TRRAP: variants seen among roughly 807,000 people sequenced by gnomAD.
TRRAP encodes transformation/transcription domain associated protein, also known as transformation/transcription domain-associated protein.
In TRRAP, 41 loss-of-function variants were observed where a neutral mutation model predicts 438.8. The ratio of observed to expected loss-of-function variants is 0.09; its 90% CI spans 0.07 to 0.12. TRRAP has a LOEUF of 0.12. Ranked by LOEUF, TRRAP falls within the 10% of genes least tolerant of loss-of-function variation. TRRAP has a pLI of 1.00. For missense variants in TRRAP, 3,122 were observed against 5,055.1 expected (o/e 0.62, Z 11.60); for synonymous variants, 1,994 against 1,962.9 (o/e 1.02, Z -0.42).
chr7:98,964,735 A>G lies in TRRAP; in HGVS notation c.6936A>G (p.Leu2312=). The change falls in exon 48 of 73, where the codon TTA becomes TTG. Residue 2312 remains leucine (L), a synonymous_variant. Transcript: ENST00000456197. ...RSLQKMVREH[L]NPQAASGSTE... Reference sequence around the variant, plus strand: ...TGCAGAAGATGGTCCGGGAGCATTTAAACCCTCAGGCAGCGTCAGGAAGCA... The same window carrying G: ...TGCAGAAGATGGTCCGGGAGCATTTGAACCCTCAGGCAGCGTCAGGAAGCA... 1 of 1,613,580 alleles carries G rather than the reference A, an allele frequency of 6.2e-7. No homozygotes were observed. The highest frequency in any genetic ancestry group is 8.5e-7 in the Non-Finnish European group (1 of 1,179,840).
chr7:98,988,726 T>G (rs1434390119), intron 62 of TRRAP, 39 bp from the exon 63 acceptor site: 1 of 1,602,794 alleles, frequency 6.2e-7, no homozygotes, highest in African/African-American at 1.3e-5. Context: ...TCGCTTCAAT[T>G]GAAAACCATA....
chr7:98,989,155 A>G (rs1007393861), intron 63 of TRRAP, among the ~76,000 whole-genome samples, 189 bp downstream of exon 63: 2 of 152,244 alleles, frequency 1.3e-5, no homozygotes, highest in African/African-American at 4.8e-5. Flanking sequence ...TGAGGCCTGG[A>G]CACTCTTAGG....
chr7:98,891,043 T>G (rs1795945047), intron 4 of TRRAP, among the ~76,000 whole-genome samples: 1 of 150,856 alleles, frequency 6.6e-6, no homozygotes, highest in African/African-American at 2.4e-5. Context: ...AGATCCTCCT[T>G]CCTCAGCTTC....
rs140671767 is a variant in TRRAP at position 98,983,716 on chromosome 7, G to A, written c.9022+257G>A. On this transcript the variant is annotated intron_variant, in intron 60 of 72. Coordinates refer to ENST00000456197, the MANE Select transcript of TRRAP (RefSeq NM_001375524.1). Reference sequence around the variant, plus strand: ...TGGGGCAGAATCGTACAGGCCGGGGGGATCAATGCTCTGAGCCATGGCACT... The same window carrying A: ...TGGGGCAGAATCGTACAGGCCGGGGAGATCAATGCTCTGAGCCATGGCACT... 7.6e-3 allele frequency among the ~76,000 whole-genome samples: 1,163 copies of A among 152,192 alleles called. 8 individuals are homozygous for A. The highest frequency in any genetic ancestry group is 0.027 in the African/African-American group (1,129 of 41,504).
intron 65 of TRRAP, 88 bp downstream of exon 65, chr7:98,992,315 C>G: frequency 1.4e-6 from 2 of 1,387,246 alleles, no homozygotes; most frequent in South Asian, 1.2e-5. Flanking sequence ...CGCAGCCACC[C>G]CTGCCCTGCA....
chr7:98,955,046 T>C, intron 40 of TRRAP, 52 bp from the exon 41 acceptor site: 2 of 1,554,380 alleles, frequency 1.3e-6, no homozygotes, highest in Non-Finnish European at 1.8e-6. Context: ...TGTCTTCTTA[T>C]TTCTTAAAGC....
At chr7:98,925,369 G>A (rs1790000319) in intron 22 of TRRAP, 106 bp downstream of exon 22, 7 of 1,465,980 alleles carry the variant, frequency 4.8e-6, no homozygotes, top group Non-Finnish European at 9.2e-7. Context: ...GCTCCTTGAA[G>A]TCCAGCAGAT....
intron 45 of TRRAP, 110 bp from the exon 46 acceptor site, chr7:98,961,151 A>T: frequency 9.4e-6 from 9 of 954,542 alleles, no homozygotes; most frequent in Admixed American, 6.2e-5. Flanking sequence ...TTTTTTACTT[A>T]GTCTCCAAAT....
chr7:98,912,984 G>A (rs1317735407), intron 18 of TRRAP, among the ~76,000 whole-genome samples: 2 of 152,158 alleles, frequency 1.3e-5, no homozygotes, highest in Non-Finnish European at 1.5e-5. Flanking sequence ...ATTGAGCTCT[G>A]CAGTGAGGCA....
At chr7:98,898,188 G>T (rs1389767646) in intron 8 of TRRAP, among the ~76,000 whole-genome samples, 1 of 152,204 alleles carries the variant, frequency 6.6e-6, no homozygotes, top group East Asian at 1.9e-4. Context: ...TTAAACTATA[G>T]ATAAAAGCAT....
intron 31 of TRRAP, among the ~76,000 whole-genome samples, chr7:98,944,055 T>A (rs1450037643): frequency 3.3e-5 from 5 of 152,226 alleles, no homozygotes; most frequent in Admixed American, 1.3e-4. Context: ...ATGCCACGCA[T>A]GACCCTGTTA....
At chr7:98,999,552 C>G in intron 67 of TRRAP, 1 of 727,896 alleles carries the variant, frequency 1.4e-6, no homozygotes, top group Non-Finnish European at 2.5e-6. Context: ...GAAACTGCAT[C>G]CAGGCAGACA....
intron 6 of TRRAP, 33 bp from the exon 7 acceptor site, chr7:98,895,731 T>C (rs781843846): frequency 6.4e-7 from 1 of 1,556,842 alleles, no homozygotes; most frequent in Admixed American, 1.9e-5. Context: ...TTTATGAATA[T>C]CTTCCTATAA....
intron 44 of TRRAP, 124 bp from the exon 45 acceptor site, chr7:98,959,220 T>A: frequency 7.6e-7 from 1 of 1,323,282 alleles, no homozygotes; most frequent in Non-Finnish European, 1.0e-6. Context: ...GGAAGAGAGG[T>A]GGCTGTGAGG....
At chr7:98,930,258 G>A (rs373682849) in intron 24 of TRRAP, 52 bp downstream of exon 24, 4 of 1,590,000 alleles carry the variant, frequency 2.5e-6, no homozygotes, top group Non-Finnish European at 3.4e-6. Context: ...CTGTACCTGA[G>A]AGTGGTCCTT....
intron 22 of TRRAP, 142 bp downstream of exon 22, chr7:98,925,405 T>C (rs782680200): frequency 1.4e-5 from 17 of 1,213,026 alleles, no homozygotes; most frequent in Non-Finnish European, 1.9e-5. Flanking sequence ...TACTCCTTCT[T>C]GTTGGGGCCT....
At chr7:98,954,346 G>A (rs926687234) in intron 40 of TRRAP, among the ~76,000 whole-genome samples, 5 of 152,230 alleles carry the variant, frequency 3.3e-5, no homozygotes, top group African/African-American at 7.2e-5. Context: ...CGAGCATGCG[G>A]CATTATTTAA....
intron 33 of TRRAP, among the ~76,000 whole-genome samples, chr7:98,946,607 C>T (rs1254173575): frequency 5.4e-5 from 8 of 148,474 alleles, no homozygotes; most frequent in African/African-American, 2.0e-4. Context: ...AACACATATG[C>T]ACACACACCA....
At chr7:98,930,579 A>G in intron 24 of TRRAP, 54 bp from the exon 25 acceptor site, 1 of 1,591,348 alleles carries the variant, frequency 6.3e-7, no homozygotes. Context: ...ACTCTGTCTC[A>G]AAAAAAACAA....
Sources: gnomAD v4.1 joint callset for allele counts (sites outside exome capture counted in the v4.1 genomes callset) on GRCh38, gnomAD v4.1.1 for gene constraint, MANE v1.5 for transcripts, NCBI Gene and HGNC (gene_info 2026-07-23, HGNC 2026-07-21) for gene names.